ZNF44: variants seen among roughly 807,000 people sequenced by gnomAD.
The protein encoded by ZNF44 is zinc finger protein 44.
In ZNF44, 9 loss-of-function variants were observed where a neutral mutation model predicts 11.7. The ratio of observed to expected loss-of-function variants is 0.77; its 90% CI spans 0.46 to 1.35. ZNF44 has a LOEUF of 1.35. ZNF44 is among the 40% of genes most tolerant of loss of function. ZNF44 has a pLI of 0.00. For synonymous variants in ZNF44, 224 were observed against 242.7 expected, an observed-to-expected ratio of 0.92 and a Z score of 0.72; for missense variants, 696 against 743.1, an observed-to-expected ratio of 0.94 and a Z score of 0.74.
intron 1 of ZNF44, among the ~76,000 whole-genome samples, chr19:12,235,615 C>T (rs1049879563): frequency 2.0e-5 from 3 of 151,978 alleles, no homozygotes; most frequent in African/African-American, 7.3e-5. Flanking sequence ...AATTATACAC[C>T]ACAGTCAAGT....
chr19:12,262,952 C>T (rs1285619183), intron 5 of ZNF44, among the ~76,000 whole-genome samples: 1 of 152,100 alleles, frequency 6.6e-6, no homozygotes, highest in Non-Finnish European at 1.5e-5. Context: ...TTGTAAAATC[C>T]ACACACAGAA....
At position 12,250,141 on chromosome 19, in the gene ZNF44, T is replaced by G. The variant is rs545539500; in HGVS notation, c.*125+101A>C. On this transcript the variant is annotated intron_variant and NMD_transcript_variant, in intron 6 of 7. Coordinates refer to the ZNF44 transcript ENST00000393337. ...TGACCATGCCTGATTTACAAAAGAA[T>G]TTTGCCTTTTCACATTCCACATCTT... 15 of 1,251,776 alleles carry G rather than the reference T, an allele frequency of 1.2e-5. No individual in the cohort carries two copies. The South Asian group carries it at 1.5e-4, about 12-fold the overall frequency. The allele number at this position is 1,251,776 out of a possible 1,614,324, so 77.5% of individuals were successfully genotyped here. A position where few individuals can be genotyped will look rare whatever the true frequency, so the allele number is the denominator to read the frequency against.
At chr19:12,285,562 C>T (rs943204626) in intron 1 of ZNF44, among the ~76,000 whole-genome samples, 4 of 152,172 alleles carry the variant, frequency 2.6e-5, no homozygotes, top group Non-Finnish European at 5.9e-5. Context: ...CCTGGTCAGA[C>T]AGTTAATCCA....
chr19:12,242,497 G>A (rs11668865), upstream of ZNF44, among the ~76,000 whole-genome samples: 22,178 of 145,084 alleles, frequency 0.15, 1,822 homozygotes, highest in African/African-American at 0.22. Context: ...GTGACAGAGC[G>A]AGACTCCGGC....
At chr19:12,225,882 G>C (rs2145669516), downstream of ZNF44, among the ~76,000 whole-genome samples, 1 of 152,290 alleles carries the variant, frequency 6.6e-6, no homozygotes, top group East Asian at 1.9e-4. Context: ...GGGCTTAGAG[G>C]CAGCGCCTGC....
intron 3 of ZNF44, among the ~76,000 whole-genome samples, chr19:12,228,387 T>G (rs1199485821): frequency 6.6e-6 from 1 of 152,210 alleles, no homozygotes; most frequent in Non-Finnish European, 1.5e-5. Flanking sequence ...GCCTAGGACC[T>G]AGACTTCTGT....
intron 2 of ZNF44, among the ~76,000 whole-genome samples, chr19:12,234,160 C>T (rs1916282401): frequency 6.6e-6 from 1 of 152,044 alleles, no homozygotes; most frequent in Non-Finnish European, 1.5e-5. Context: ...AGGTTTTCTG[C>T]CATGTATGAA....
intron 6 of ZNF44, chr19:12,242,641 A>G (rs999881106): frequency 1.4e-5 from 2 of 140,486 alleles, no homozygotes; most frequent in African/African-American, 2.6e-5. Context: ...ATATAGTAAG[A>G]CCTATATAGT....
chr19:12,283,498 T>G (rs1967576406), intron 1 of ZNF44, among the ~76,000 whole-genome samples: 1 of 151,878 alleles, frequency 6.6e-6, no homozygotes, highest in African/African-American at 2.4e-5. Context: ...CTGGCTAATT[T>G]TTTTGTATTT....
chr19:12,238,337 A>G (rs1916472659), upstream of ZNF44, among the ~76,000 whole-genome samples: 1 of 152,074 alleles, frequency 6.6e-6, no homozygotes, highest in East Asian at 1.9e-4. Context: ...CTAAAAATAC[A>G]AAAACTAGGC....
At chr19:12,266,419 G>A (rs1433670801) in intron 5 of ZNF44, 2 of 868,176 alleles carry the variant, frequency 2.3e-6, no homozygotes, top group Non-Finnish European at 2.8e-6. Flanking sequence ...AGGCGAGAGG[G>A]AAAAAAAACC....
chr19:12,275,680 T>TA (rs1967189371), intron 2 of ZNF44, among the ~76,000 whole-genome samples: 1 of 152,180 alleles, frequency 6.6e-6, no homozygotes, highest in Admixed American at 6.5e-5. Context: ...TTCTCTAACT[T>TA]ACTTTATTCT....
chr19:12,228,057 C>T (rs1469628854), intron 3 of ZNF44, among the ~76,000 whole-genome samples: 2 of 152,104 alleles, frequency 1.3e-5, no homozygotes, highest in South Asian at 2.1e-4. Context: ...TATTTTAATG[C>T]TCAATTTACA....
At chr19:12,288,002 C>A (rs943873034) in intron 1 of ZNF44, among the ~76,000 whole-genome samples, 1 of 152,172 alleles carries the variant, frequency 6.6e-6, no homozygotes, top group Non-Finnish European at 1.5e-5. Flanking sequence ...TCTAACATTA[C>A]TTCTGACAGC....
In ZNF44 at chr19:12,249,522, A is replaced by G. The variant is rs972015942; in HGVS notation, c.*186+456T>C. On this transcript the variant is annotated intron_variant and NMD_transcript_variant, in intron 7 of 7. Coordinates refer to the ZNF44 transcript ENST00000393337. ...CTCCGTCTCAGAAAAAAAAAAAAAA[A>G]AAAGAAAAGAAAGCACTTTGGGTTA... is the stretch of plus-strand genomic sequence containing the variant. Among the ~76,000 whole-genome samples, 51 of 151,566 alleles carry G rather than the reference A, an allele frequency of 3.4e-4. 1 individual carries two copies. Among genetic ancestry groups the G allele is most frequent in the South Asian group, 1.2e-3 (6 of 4,802 alleles).
intron 1 of ZNF44, among the ~76,000 whole-genome samples, chr19:12,278,199 T>C (rs1225551028): frequency 2.6e-5 from 4 of 152,284 alleles, no homozygotes; most frequent in Non-Finnish European, 4.4e-5. Flanking sequence ...CCACAAACAA[T>C]AGCATGGGCC....
chr19:12,263,275 G>A (rs895467285), intron 5 of ZNF44, among the ~76,000 whole-genome samples: 10 of 151,820 alleles, frequency 6.6e-5, no homozygotes, highest in South Asian at 6.3e-4. Context: ...TAGTAGAGAC[G>A]GGGTTTCTCC....
intron 1 of ZNF44, among the ~76,000 whole-genome samples, chr19:12,286,869 G>A (rs1023943859): frequency 6.6e-6 from 1 of 151,662 alleles, no homozygotes; most frequent in Admixed American, 6.6e-5. Context: ...AGGTTGCAGT[G>A]AGCCAAGATT....
chr19:12,280,373 T>C (rs967939804), intron 1 of ZNF44, among the ~76,000 whole-genome samples: 3 of 152,198 alleles, frequency 2.0e-5, no homozygotes, highest in African/African-American at 7.2e-5. Flanking sequence ...GAAGCCAGTA[T>C]AGTACTATTT....
Sources: allele counts gnomAD v4.1 joint callset (sites outside exome capture counted in the v4.1 genomes callset), GRCh38; gene constraint gnomAD v4.1.1; transcripts MANE v1.5; gene names NCBI Gene and HGNC (gene_info 2026-07-23, HGNC 2026-07-21).